MTSS1: variants seen among roughly 807,000 people sequenced by gnomAD.
MTSS1 encodes MTSS I-BAR domain containing 1.
A neutral mutation model predicts 79.0 loss-of-function variants in MTSS1; 18 were observed. The observed-to-expected ratio is 0.23, with a 90% CI of 0.16 to 0.34. MTSS1 has a LOEUF of 0.34. Among genes scored for constraint, MTSS1 ranks in the 10% least tolerant of loss-of-function variants. MTSS1 has a pLI of 1.00. For synonymous variants in MTSS1, 341 were observed against 368.6 expected (o/e 0.93, Z 0.86); for missense variants, 815 against 986.2 (o/e 0.83, Z 2.33).
At chr8:124,589,008 C>A (rs1349070110) in intron 5 of MTSS1, among the ~76,000 whole-genome samples, 1 of 151,718 alleles carries the variant, frequency 6.6e-6, no homozygotes, top group African/African-American at 2.4e-5. Flanking sequence ...AGCCACTGCA[C>A]CCGGCCTATG....
At chr8:124,643,073 C>T (rs959261662) in intron 3 of MTSS1, among the ~76,000 whole-genome samples, 2 of 152,122 alleles carry the variant, frequency 1.3e-5, no homozygotes, top group African/African-American at 4.8e-5. Context: ...AGGGGGAAAA[C>T]TGAGTATCTT....
chr8:124,691,449 T>C (rs955982418), intron 3 of MTSS1, among the ~76,000 whole-genome samples: 2 of 152,234 alleles, frequency 1.3e-5, no homozygotes, highest in African/African-American at 4.8e-5. Flanking sequence ...AAAAAGTATA[T>C]GGATACACAT....
chr8:124,647,976 C>T (rs1241810455), intron 3 of MTSS1, among the ~76,000 whole-genome samples: 3 of 152,192 alleles, frequency 2.0e-5, no homozygotes, highest in East Asian at 3.8e-4. Context: ...ATCAACCTAG[C>T]GTTTCAAGAG....
At chr8:124,715,399 T>A (rs190462967) in intron 1 of MTSS1, among the ~76,000 whole-genome samples, 59 of 152,354 alleles carry the variant, frequency 3.9e-4, no homozygotes, top group Non-Finnish European at 7.3e-4. Flanking sequence ...TTACTTTTTT[T>A]AATCCATATT....
intron 9 of MTSS1, chr8:124,563,364 G>A (rs1825744560): frequency 7.1e-6 from 2 of 279,948 alleles, no homozygotes; most frequent in South Asian, 6.9e-5. Flanking sequence ...TCAGTAGCAA[G>A]AAAAGGGACA....
chr8:124,717,931 A>G (rs1247006579), intron 1 of MTSS1, among the ~76,000 whole-genome samples: 4 of 152,190 alleles, frequency 2.6e-5, no homozygotes, highest in African/African-American at 9.7e-5. Context: ...TGTTTTGACC[A>G]AATGAATTAA....
At chr8:124,565,274 C>T (rs1408253490) in intron 9 of MTSS1, among the ~76,000 whole-genome samples, 1 of 152,214 alleles carries the variant, frequency 6.6e-6, no homozygotes, top group Non-Finnish European at 1.5e-5. Context: ...GCCATTGTTA[C>T]TTCCTTCGTT....
At chr8:124,672,361 G>A (rs778754131) in intron 3 of MTSS1, among the ~76,000 whole-genome samples, 1 of 152,130 alleles carries the variant, frequency 6.6e-6, no homozygotes, top group African/African-American at 2.4e-5. Flanking sequence ...GGGTGTGGTG[G>A]CATGTGCCTA....
In MTSS1 at chr8:124,581,807, A is replaced by G. The variant is rs549532479; in HGVS notation, c.460+3280T>C. Among the ~76,000 whole-genome samples the G allele has an allele frequency of 4.6e-5, 7 of 152,302 alleles. No individual in the cohort carries two copies. In the East Asian group the frequency reaches 1.4e-3, roughly 29 times the overall value. ...GTAACATGGGAGTTAAATGAGAATAAGGCTGCTGAGTTCATACGGTTGGGT... is the reference window on the plus strand; with the variant it reads ...GTAACATGGGAGTTAAATGAGAATAGGGCTGCTGAGTTCATACGGTTGGGT... On this transcript the variant is annotated intron_variant, in intron 6 of 13. Transcript: ENST00000518547.
At chr8:124,613,287 A>T (rs1836220384) in intron 3 of MTSS1, among the ~76,000 whole-genome samples, 1 of 152,222 alleles carries the variant, frequency 6.6e-6, no homozygotes, top group Non-Finnish European at 1.5e-5. Flanking sequence ...TCTTCATCCA[A>T]CAGGAGCTGC....
rs765084882 is a variant in MTSS1, at chr8:124,556,215, G to A, written c.1404+17C>T. 1 of 1,614,150 alleles carries A rather than the reference G, an allele frequency of 6.2e-7. No individual in the cohort carries two copies. Among genetic ancestry groups the A allele is most frequent in the Non-Finnish European group, 8.5e-7 (1 of 1,180,008 alleles). On this transcript the variant is annotated intron_variant, in intron 12 of 13. Transcript: ENST00000518547. ...GCTGAGGTGGCCCCAACCAGCTACT[G>A]AGAACAAGAGCATCACCCTGGTGGC...
chr8:124,561,823 G>C (rs938159684), intron 10 of MTSS1, among the ~76,000 whole-genome samples: 19 of 152,082 alleles, frequency 1.2e-4, no homozygotes, highest in African/African-American at 4.6e-4. Flanking sequence ...AGCACCCCAG[G>C]TGGGACACGC....
chr8:124,660,225 C>T lies in MTSS1; in HGVS notation c.208+39301G>A, dbSNP rs182266400. 5.9e-3 allele frequency among the ~76,000 whole-genome samples: 894 copies of T among 152,154 alleles called. 3 individuals carry two copies. The highest frequency in any genetic ancestry group is 0.01 in the Non-Finnish European group (699 of 68,012). On this transcript the variant is annotated intron_variant, in intron 3 of 13. Transcript: ENST00000518547. Reference sequence around the variant, plus strand: ...CAATTGTAGGAGATGAAAAAGCATTCGGCAGCCCAGAGTTAGGAATCAGAA... The same window carrying T: ...CAATTGTAGGAGATGAAAAAGCATTTGGCAGCCCAGAGTTAGGAATCAGAA...
intron 3 of MTSS1, among the ~76,000 whole-genome samples, chr8:124,595,608 T>C (rs1235409123): frequency 6.6e-6 from 1 of 152,200 alleles, no homozygotes; most frequent in Non-Finnish European, 1.5e-5. Context: ...CTTGTGATTA[T>C]GTGGGACCCA....
At chr8:124,586,716 C>G (rs1830922090) in intron 5 of MTSS1, among the ~76,000 whole-genome samples, 1 of 152,208 alleles carries the variant, frequency 6.6e-6, no homozygotes, top group South Asian at 2.1e-4. Flanking sequence ...ACCCCACAAC[C>G]TCTTGGCCCC....
chr8:124,659,457 T>C (rs1292920497), intron 3 of MTSS1, among the ~76,000 whole-genome samples: 1 of 152,156 alleles, frequency 6.6e-6, no homozygotes, highest in Non-Finnish European at 1.5e-5. Context: ...AGTGAAACAC[T>C]TAGATTGAAA....
chr8:124,713,041 A>G (rs1481441846), intron 1 of MTSS1, among the ~76,000 whole-genome samples: 1 of 152,274 alleles, frequency 6.6e-6, no homozygotes, highest in Non-Finnish European at 1.5e-5. Context: ...TCCACCAGGA[A>G]GTATTCCTTT....
chr8:124,605,590 G>GCA (rs1563842868), intron 3 of MTSS1, among the ~76,000 whole-genome samples: 8 of 138,332 alleles, frequency 5.8e-5, no homozygotes, highest in African/African-American at 2.7e-4. Flanking sequence ...CTGCCCTCTC[G>GCA]CTGCCTCCCT....
In MTSS1 at chr8:124,597,143, C is replaced by T. The variant is rs1296811461; in HGVS notation, c.209-5908G>A. Among the ~76,000 whole-genome samples, 1 of 152,134 alleles carries T rather than the reference C, an allele frequency of 6.6e-6. No individual in the cohort carries two copies. Among genetic ancestry groups the T allele is most frequent in the Non-Finnish European group, 1.5e-5 (1 of 68,020 alleles). ...AGGTGCCAGGCCCTTGAGCAGCTTA[C>T]AAAGATTGGTTGGATGGACACAGAT... On this transcript the variant is annotated intron_variant, in intron 3 of 13. Coordinates refer to ENST00000518547, the MANE Select transcript of MTSS1 (RefSeq NM_014751.6). This position sits in a 1 kb window ranked among gnomAD's most constrained non-coding sequence, Gnocchi z 4.6.
Sources: gnomAD v4.1 joint callset for allele counts (sites outside exome capture counted in the v4.1 genomes callset) on GRCh38, gnomAD v4.1.1 for gene constraint, Gnocchi (gnomAD v3.1) non-coding constraint, MANE v1.5 for transcripts, NCBI Gene and HGNC (gene_info 2026-07-23, HGNC 2026-07-21) for gene names.